The following RAPGEFL1 variants were observed in gnomAD, a reference collection of about 807,000 sequenced individuals.
The protein encoded by RAPGEFL1 is Rap guanine nucleotide exchange factor like 1, also known as rap guanine nucleotide exchange factor-like 1.
Under a neutral mutation model 64.4 loss-of-function variants are expected in RAPGEFL1, and 31 were observed. That is an observed-to-expected ratio of 0.48 (90% CI 0.36 to 0.65). The LOEUF is 0.65. RAPGEFL1 is among the 30% of genes least tolerant of loss of function. The pLI is 0.00. For synonymous variants in RAPGEFL1, 331 were observed against 274.1 expected, an observed-to-expected ratio of 1.21 and a Z score of -2.05; for missense variants, 682 against 677.4, an observed-to-expected ratio of 1.01 and a Z score of -0.08.
At chr17:40,193,316 G>A (rs780607465) in intron 13 of RAPGEFL1, 47 bp from the exon 14 acceptor site, 22 of 1,579,606 alleles carry the variant, frequency 1.4e-5, no homozygotes, top group Non-Finnish European at 1.7e-5. Flanking sequence ...AAGAGGGGGA[G>A]CCTCTTTCTG....
At chr17:40,184,111 TG>T in intron 2 of RAPGEFL1, 102 bp from the exon 3 acceptor site, 1 of 878,950 alleles carries the variant, frequency 1.1e-6, no homozygotes, top group Non-Finnish European at 1.9e-6. Context: ...CCCAAACTGC[TG>T]GGATTATAGG....
rs748758477 is a variant in RAPGEFL1, at chr17:40,184,222, G to A, written c.608G>A (p.Arg203Gln). Residue 203 changes from arginine to glutamine, a missense_variant, in exon 3 of 15, where the codon CGG becomes CAG. Physicochemically the swap from Arg to Gln is conservative, Grantham distance 43. Transcript: ENST00000620260. ...CTTAACTTAAGGGTCAGCTTTGTTC[G>A]GGCAGGAGGCATGGAGGGCCCTGAA... ...FLQELHQYFV[R>Q]AGGMEGPEGL... 105 of 1,610,690 alleles carry A rather than the reference G, an allele frequency of 6.5e-5. No homozygotes were observed. The highest frequency in any genetic ancestry group is 8.8e-5 in the Non-Finnish European group (104 of 1,177,474).
chr17:40,177,421 C>T, upstream of RAPGEFL1: 3 of 432,754 alleles, frequency 6.9e-6, no homozygotes, highest in African/African-American at 2.1e-5. Context: ...AGGGTAGGGG[C>T]GGGGACTGGG....
chr17:40,180,198 G>A (rs1012495400), intron 1 of RAPGEFL1, among the ~76,000 whole-genome samples: 6 of 152,166 alleles, frequency 3.9e-5, no homozygotes, highest in Non-Finnish European at 8.8e-5. Flanking sequence ...AGAGCTGGAG[G>A]CTCTCTGACT....
Position 40,191,229 on chromosome 17 carries a change from G to A in RAPGEFL1, c.1336-87G>A. ...TTCCGCCCCCGCCCTCCTGCCTTTC[G>A]CTCCTCATCGCCTTGCACTGCCATC... On this transcript the variant is annotated intron_variant, in intron 8 of 14. Transcript: ENST00000620260. The surrounding 1 kb of genome is among the most constrained non-coding windows in gnomAD (Gnocchi z 5.1). 8.2e-7 allele frequency: 1 copy of A among 1,222,980 alleles called. No homozygotes were observed. The highest frequency in any genetic ancestry group is 1.6e-5 in the African/African-American group (1 of 63,012). 75.8% of individuals were successfully genotyped at this position (1,222,980 alleles called of 1,614,324 possible).
intron 4 of RAPGEFL1, among the ~76,000 whole-genome samples, chr17:40,185,820 TG>T (rs1990051724): frequency 6.9e-6 from 1 of 144,700 alleles, no homozygotes; most frequent in Admixed American, 6.9e-5. Flanking sequence ...AAAAATTAGC[TG>T]GGGGTGGTGG....
chr17:40,191,931 G>A lies in RAPGEFL1; in HGVS notation c.1605+259G>A, dbSNP rs1281374810. On this transcript the variant is annotated intron_variant, in intron 10 of 14. Coordinates refer to ENST00000620260, the MANE Select transcript of RAPGEFL1 (RefSeq NM_016339.6). This position sits in a 1 kb window ranked among gnomAD's most constrained non-coding sequence, Gnocchi z 5.1. ...AGGTCAGGTCGCAGACTTGGCTGTGGGAGTTGGGCTGATTTTCATCCACAC... is the reference window on the plus strand; with the variant it reads ...AGGTCAGGTCGCAGACTTGGCTGTGAGAGTTGGGCTGATTTTCATCCACAC... Among the ~76,000 whole-genome samples, 1 of 152,222 alleles carries A rather than the reference G, an allele frequency of 6.6e-6. No homozygotes were observed. Among genetic ancestry groups the A allele is most frequent in the Non-Finnish European group, 1.5e-5 (1 of 68,036 alleles).
At position 40,191,700 on chromosome 17, in the gene RAPGEFL1, G is replaced by T; in HGVS notation, c.1605+28G>T. On this transcript the variant is annotated intron_variant, in intron 10 of 14. Coordinates refer to ENST00000620260, the MANE Select transcript of RAPGEFL1 (RefSeq NM_016339.6). This position sits in a 1 kb window ranked among gnomAD's most constrained non-coding sequence, Gnocchi z 5.1. ...GATGAGACCCCTCCCGTTCCTACCTGGGAATCTGGGCATCCCGGGCTCCCC... is the reference window on the plus strand; with the variant it reads ...GATGAGACCCCTCCCGTTCCTACCTTGGAATCTGGGCATCCCGGGCTCCCC... 1 of 1,592,202 alleles carries T rather than the reference G, an allele frequency of 6.3e-7. No individual in the cohort carries two copies. The highest frequency in any genetic ancestry group is 2.3e-5 in the East Asian group (1 of 44,182).
intron 8 of RAPGEFL1, 91 bp downstream of exon 8, chr17:40,190,853 A>C (rs1990238083): frequency 1.3e-6 from 2 of 1,552,710 alleles, no homozygotes; most frequent in Non-Finnish European, 1.7e-6. Context: ...CCTGGTTCCA[A>C]GGCTCACTTG....
upstream of RAPGEFL1, chr17:40,177,046 T>G: frequency 1.4e-6 from 1 of 701,672 alleles, no homozygotes; most frequent in South Asian, 1.5e-5. Context: ...GGGCACCGCC[T>G]CCAGTGGCAA....
chr17:40,182,427 T>G (rs963634721), intron 2 of RAPGEFL1, among the ~76,000 whole-genome samples: 1 of 152,166 alleles, frequency 6.6e-6, no homozygotes, highest in African/African-American at 2.4e-5. Flanking sequence ...TTCTCCTGCC[T>G]CAGCCTCCCC....
chr17:40,183,795 A>G (rs1989968150), intron 2 of RAPGEFL1, among the ~76,000 whole-genome samples: 1 of 144,426 alleles, frequency 6.9e-6, no homozygotes, highest in Non-Finnish European at 1.5e-5. Flanking sequence ...GGCTGGGATT[A>G]CAGGTGTGAG....
chr17:40,184,450 G>A, intron 3 of RAPGEFL1, 101 bp downstream of exon 3: 12 of 1,241,400 alleles, frequency 9.7e-6, no homozygotes, highest in Non-Finnish European at 1.4e-5. Flanking sequence ...CTGGAAGGAA[G>A]AGATGCCAGG....
chr17:40,184,505 C>T, intron 3 of RAPGEFL1, 76 bp from the exon 4 acceptor site: 1 of 1,147,250 alleles, frequency 8.7e-7, no homozygotes, highest in South Asian at 1.5e-5. Context: ...GGTATGGAGA[C>T]CTTGCCCGGC....
chr17:40,188,594 T>G, intron 4 of RAPGEFL1: 1 of 461,908 alleles, frequency 2.2e-6, no homozygotes, highest in Non-Finnish European at 4.0e-6. Flanking sequence ...ATTATCCCAA[T>G]GTTCTATAGT....
rs201057482 is a variant in RAPGEFL1 at position 40,193,409 on chromosome 17, G to A, written c.1856G>A (p.Arg619Gln). 1.8e-5 allele frequency: 29 copies of A among 1,614,150 alleles called. No homozygotes were observed. The highest frequency in any genetic ancestry group is 3.3e-5 in the South Asian group (3 of 91,086). ...KVRTIRKYRS[R>Q]PLCLDMEASP... ...AGGACAATCCGCAAATACCGGAGCC[G>A]GCCCCTTTGTGAGTACCCAGGGTAC... Residue 619 changes from arginine (R) to glutamine (Q), a missense_variant, in exon 14 of 15, where the codon CGG (arginine) becomes CAG (glutamine). Arg to Gln is a conservative substitution (Grantham distance 43). Coordinates refer to ENST00000620260, the MANE Select transcript of RAPGEFL1 (RefSeq NM_016339.6).
At position 40,184,759 on chromosome 17, in the gene RAPGEFL1, T is replaced by G. The variant is rs148538124; in HGVS notation, c.833+81T>G. Reference sequence around the variant, plus strand: ...ACTACAGGGGCTGCCTCTGGCCTATTGGCTGCAATATGGATTTGCTTGTTT... The same window carrying G: ...ACTACAGGGGCTGCCTCTGGCCTATGGGCTGCAATATGGATTTGCTTGTTT... On this transcript the variant is annotated intron_variant, in intron 4 of 14. Transcript: ENST00000620260. 2.2e-3 allele frequency: 1,705 copies of G among 789,816 alleles called. 25 individuals carry two copies. In the African/African-American group the frequency reaches 0.028, roughly 13 times the overall value. 48.9% of individuals were successfully genotyped at this position (789,816 alleles called of 1,614,324 possible). A position where few individuals can be genotyped will look rare whatever the true frequency, so the allele number is the denominator to read the frequency against.
chr17:40,186,318 C>T, intron 4 of RAPGEFL1, among the ~76,000 whole-genome samples: 1 of 150,076 alleles, frequency 6.7e-6, no homozygotes, highest in Non-Finnish European at 1.5e-5. Flanking sequence ...CCTGTAATCC[C>T]AGCACTTTGG....
rs1369671266 is a variant in RAPGEFL1, at chr17:40,178,227, C to T, written c.366C>T (p.Ser122=). Residue 122 remains serine (S), a synonymous_variant, in exon 1 of 15, where the codon TCC becomes TCT. Coordinates refer to ENST00000620260, the MANE Select transcript of RAPGEFL1 (RefSeq NM_016339.6). ...GPLGGGGPLR[S]PSSYSSDELS... ...TCGGGGGAGGGGGGCCCCTGCGCTC[C>T]CCTTCCTCCTACTCATCTGACGAGC... The T allele has an allele frequency of 9.8e-6, 6 of 612,156 alleles. No individual in the cohort carries two copies. Among genetic ancestry groups the T allele is most frequent in the Non-Finnish European group, 1.8e-5 (6 of 337,734 alleles). The allele number at this position is 612,156 out of a possible 1,614,324, so 37.9% of individuals were successfully genotyped here.
Sources: allele counts gnomAD v4.1 joint callset (sites outside exome capture counted in the v4.1 genomes callset), GRCh38; gene constraint gnomAD v4.1.1; non-coding constraint Gnocchi (gnomAD v3.1); transcripts MANE v1.5; gene names NCBI Gene and HGNC (gene_info 2026-07-23, HGNC 2026-07-21).